COL8A1: variants seen among roughly 807,000 people sequenced by gnomAD.
COL8A1 encodes the protein collagen alpha-1(VIII) chain.
In COL8A1, 21 loss-of-function variants were observed where a neutral mutation model predicts 42.7. The ratio of observed to expected loss-of-function variants is 0.49; its 90% CI spans 0.35 to 0.71. The LOEUF (loss-of-function observed/expected upper bound fraction) is 0.71. Ranked by LOEUF, COL8A1 falls within the 30% of genes least tolerant of loss-of-function variation. The pLI is 0.01. For missense variants in COL8A1, 788 were observed against 962.4 expected (o/e 0.82, Z 2.40); for synonymous variants, 367 against 369.1 (o/e 0.99, Z 0.06).
intron 1 of COL8A1, among the ~76,000 whole-genome samples, chr3:99,682,674 T>C (rs894690438): frequency 6.6e-6 from 1 of 151,482 alleles, no homozygotes; most frequent in Non-Finnish European, 1.5e-5. Flanking sequence ...TCATAGAACA[T>C]ATAAGCTCTC....
chr3:99,656,262 G>T (rs1023063341), intron 1 of COL8A1, among the ~76,000 whole-genome samples: 1 of 152,158 alleles, frequency 6.6e-6, no homozygotes, highest in African/African-American at 2.4e-5. Flanking sequence ...AAACACACAT[G>T]CATAAATGCA....
At chr3:99,684,504 G>A (rs1938989251) in intron 1 of COL8A1, among the ~76,000 whole-genome samples, 1 of 152,048 alleles carries the variant, frequency 6.6e-6, no homozygotes, top group Non-Finnish European at 1.5e-5. Flanking sequence ...TATACATAAG[G>A]CATATTGAAT....
Position 99,798,700 on chromosome 3 carries a change from G to A in COL8A1, c.*2564G>A, listed in dbSNP as rs1195417893. On this transcript the variant is annotated 3_prime_UTR_variant, in exon 4 of 4. Transcript: ENST00000652472. Reference sequence around the variant, plus strand: ...TGTGTATGTGTATTATCAGACATAGGTTTCTAACTTTTAGATAGAAGAGGA... The same window carrying A: ...TGTGTATGTGTATTATCAGACATAGATTTCTAACTTTTAGATAGAAGAGGA... 6.6e-6 allele frequency: 1 copy of A among 152,156 alleles called. No individual in the cohort carries two copies. Among genetic ancestry groups the A allele is most frequent in the African/African-American group, 2.4e-5 (1 of 41,434 alleles). 9.4% of individuals were successfully genotyped at this position (152,156 alleles called of 1,614,324 possible). A position where few individuals can be genotyped will look rare whatever the true frequency, so the allele number is the denominator to read the frequency against.
intron 1 of COL8A1, among the ~76,000 whole-genome samples, chr3:99,696,594 G>A (rs943115474): frequency 2.6e-5 from 4 of 152,188 alleles, no homozygotes; most frequent in Non-Finnish European, 4.4e-5. Flanking sequence ...CAGCACCAAA[G>A]GTGTTGGAGG....
At chr3:99,654,844 T>C (rs1283851398) in intron 1 of COL8A1, among the ~76,000 whole-genome samples, 1 of 152,056 alleles carries the variant, frequency 6.6e-6, no homozygotes, top group African/African-American at 2.4e-5. Context: ...GTGGAAGATA[T>C]TTTAGTTCAT....
intron 1 of COL8A1, among the ~76,000 whole-genome samples, chr3:99,732,826 A>C (rs1940558602): frequency 6.6e-6 from 1 of 152,148 alleles, no homozygotes; most frequent in African/African-American, 2.4e-5. Context: ...CCTCCCACCT[A>C]TGAGCCTATA....
intron 2 of COL8A1, among the ~76,000 whole-genome samples, chr3:99,786,566 T>C (rs758066520): frequency 6.6e-6 from 1 of 152,148 alleles, no homozygotes; most frequent in Non-Finnish European, 1.5e-5. Context: ...ACTCAACCTA[T>C]GGTATTTTGC....
intron 1 of COL8A1, among the ~76,000 whole-genome samples, chr3:99,645,945 T>G (rs752453750): frequency 3.9e-5 from 6 of 151,916 alleles, no homozygotes; most frequent in Non-Finnish European, 5.9e-5. Context: ...AAGCCTGCGG[T>G]GACTAGACCC....
At chr3:99,784,218 A>G (rs979832213) in intron 2 of COL8A1, among the ~76,000 whole-genome samples, 2 of 152,176 alleles carry the variant, frequency 1.3e-5, no homozygotes, top group Non-Finnish European at 2.9e-5. Flanking sequence ...TTAAATAACA[A>G]TTTTCAATTT....
intron 2 of COL8A1, among the ~76,000 whole-genome samples, chr3:99,788,083 A>C (rs1374111407): frequency 6.6e-6 from 1 of 152,186 alleles, no homozygotes; most frequent in Non-Finnish European, 1.5e-5. Flanking sequence ...TGTTCTTTTG[A>C]GTGATTTGGG....
At chr3:99,791,098 G>A (rs1941992531) in intron 3 of COL8A1, 88 bp downstream of exon 3, 2 of 1,231,280 alleles carry the variant, frequency 1.6e-6, no homozygotes, top group African/African-American at 3.1e-5. Context: ...AATTTTAGAA[G>A]CTTTAGTTTT....
chr3:99,736,261 T>A (rs2107393116), intron 1 of COL8A1, among the ~76,000 whole-genome samples: 1 of 152,336 alleles, frequency 6.6e-6, no homozygotes, highest in South Asian at 2.1e-4. Flanking sequence ...CAATTTTGGA[T>A]CTTTCCTGCT....
intron 1 of COL8A1, among the ~76,000 whole-genome samples, chr3:99,657,842 T>A (rs1938072029): frequency 6.6e-6 from 1 of 152,096 alleles, no homozygotes; most frequent in Admixed American, 6.6e-5. Context: ...TTAAAACCTT[T>A]CAGAGGACCG....
intron 1 of COL8A1, among the ~76,000 whole-genome samples, chr3:99,715,121 A>G (rs544290958): frequency 1.2e-4 from 18 of 152,134 alleles, no homozygotes; most frequent in Admixed American, 3.3e-4. Context: ...TGTCATTCTA[A>G]AACCACCAAA....
At chr3:99,704,634 G>A (rs1020363466) in intron 1 of COL8A1, among the ~76,000 whole-genome samples, 3 of 152,144 alleles carry the variant, frequency 2.0e-5, no homozygotes, top group African/African-American at 4.8e-5. Flanking sequence ...AGCACTGGCC[G>A]GCTGAGTCCT....
At position 99,794,046 on chromosome 3, in the gene COL8A1, C is replaced by T. The variant is rs144893381; in HGVS notation, c.329-184C>T. Among the ~76,000 whole-genome samples the T allele has an allele frequency of 4.6e-3, 696 of 152,328 alleles. 2 individuals are homozygous for T. The highest frequency in any genetic ancestry group is 7.2e-3 in the South Asian group (35 of 4,830). Reference sequence around the variant, plus strand: ...GGATTACAGGCACGAGCCACCATGCCAGGCCTGATTTTTAAGGTCTAGAAG... The same window carrying T: ...GGATTACAGGCACGAGCCACCATGCTAGGCCTGATTTTTAAGGTCTAGAAG... On this transcript the variant is annotated intron_variant, in intron 3 of 3. Coordinates refer to ENST00000652472, the MANE Select transcript of COL8A1 (RefSeq NM_020351.4). The surrounding 1 kb of genome is among the most constrained non-coding windows in gnomAD (Gnocchi z 4.3).
intron 2 of COL8A1, among the ~76,000 whole-genome samples, chr3:99,751,882 G>A (rs1460257135): frequency 1.3e-5 from 2 of 152,096 alleles, no homozygotes; most frequent in Admixed American, 6.6e-5. Context: ...TGAAATGAGC[G>A]TTCTTAGCCA....
intron 1 of COL8A1, among the ~76,000 whole-genome samples, chr3:99,660,127 G>T (rs1358011555): frequency 2.6e-5 from 4 of 152,144 alleles, no homozygotes; most frequent in Non-Finnish European, 5.9e-5. Flanking sequence ...CCGGAATCAC[G>T]CAGGACAAGT....
At chr3:99,772,454 T>C (rs1941598408) in intron 2 of COL8A1, among the ~76,000 whole-genome samples, 1 of 152,120 alleles carries the variant, frequency 6.6e-6, no homozygotes, top group African/African-American at 2.4e-5. Context: ...AAATGGACTT[T>C]GGGTGATAAT....
Sources: gnomAD v4.1 joint callset for allele counts (sites outside exome capture counted in the v4.1 genomes callset) on GRCh38, gnomAD v4.1.1 for gene constraint, Gnocchi (gnomAD v3.1) non-coding constraint, MANE v1.5 for transcripts, NCBI Gene and HGNC (gene_info 2026-07-23, HGNC 2026-07-21) for gene names.